CDH6: variants seen among roughly 807,000 people sequenced by gnomAD.
The protein encoded by CDH6 is cadherin 6.
In CDH6, 31 loss-of-function variants were observed where a neutral mutation model predicts 78.0. The ratio of observed to expected loss-of-function variants is 0.40; its 90% CI spans 0.30 to 0.54. The LOEUF (loss-of-function observed/expected upper bound fraction) is 0.54, where lower values mean the gene tolerates loss of function less well. CDH6 is among the 20% of genes least tolerant of loss of function. The pLI is 0.56. For missense variants in CDH6, 724 were observed against 975.9 expected, an observed-to-expected ratio of 0.74 and a Z score of 3.44; for synonymous variants, 376 against 368.8, an observed-to-expected ratio of 1.02 and a Z score of -0.23.
chr5:31,194,292 CG>C (rs1218840521), intron 1 of CDH6, among the ~76,000 whole-genome samples: 1 of 152,172 alleles, frequency 6.6e-6, no homozygotes, highest in Non-Finnish European at 1.5e-5. Context: ...GGCGCTGGTG[CG>C]TGCAGGTCCC....
Position 31,328,719 on chromosome 5 carries a change from G to A in CDH6, c.*5411G>A, listed in dbSNP as rs1477624957. 2 of 213,470 alleles carry A rather than the reference G, an allele frequency of 9.4e-6. No homozygotes were observed. Among genetic ancestry groups the A allele is most frequent in the Non-Finnish European group, 9.5e-6 (1 of 105,678 alleles). 13.2% of individuals were successfully genotyped at this position (213,470 alleles called of 1,614,324 possible). On this transcript the variant is annotated 3_prime_UTR_variant, in exon 12 of 12. Transcript: ENST00000265071. ...AATACTTCCAAGTATAAATTGAAAC[G>A]GATGCCACCCTTGAAGATTTACTGG...
chr5:31,285,702 A>G (rs1464995193), intron 2 of CDH6, among the ~76,000 whole-genome samples: 1 of 152,238 alleles, frequency 6.6e-6, no homozygotes, highest in Non-Finnish European at 1.5e-5. Flanking sequence ...ATAGTTCGGT[A>G]AAATCTTGCA....
Position 31,323,048 on chromosome 5 carries a change from A to T in CDH6, c.2113A>T (p.Thr705Ser). ...EALFLPRRTP[T>S]ARDNTDVRDF... ...CCTTTTCCTACCCCGACGGACTCCA[A>T]CAGCTCGCGACAACACCGATGTCAG... The change falls in exon 12 of 12, where the codon ACA (threonine) becomes TCA (serine). Residue 705 changes from threonine (T) to serine (S), a missense_variant. This residue lies in a region of CDH6 where 220 missense variants were observed against 240.6 expected (regional missense o/e 0.91). Transcript: ENST00000265071. The T allele has an allele frequency of 6.2e-7, 1 of 1,614,184 alleles. No homozygotes were observed. Among genetic ancestry groups the T allele is most frequent in the Non-Finnish European group, 8.5e-7 (1 of 1,180,030 alleles).
intron 2 of CDH6, among the ~76,000 whole-genome samples, chr5:31,291,618 G>A (rs550845040): frequency 6.6e-6 from 1 of 152,322 alleles, no homozygotes; most frequent in East Asian, 1.9e-4. Flanking sequence ...CCCGCACTGT[G>A]CCAGGCTGCT....
intron 1 of CDH6, among the ~76,000 whole-genome samples, chr5:31,246,622 A>G (rs1007906717): frequency 3.3e-5 from 5 of 152,234 alleles, no homozygotes; most frequent in African/African-American, 1.2e-4. Flanking sequence ...CATCAGATTT[A>G]CAAACTTTGA....
intron 2 of CDH6, among the ~76,000 whole-genome samples, chr5:31,270,125 A>G (rs986261032): frequency 6.6e-6 from 1 of 152,346 alleles, no homozygotes; most frequent in Admixed American, 6.5e-5. Flanking sequence ...TGTGGCCACA[A>G]GTTGGTCCAC....
In CDH6 at chr5:31,302,224, G is replaced by A; in HGVS notation, c.925G>A (p.Asp309Asn). 6.2e-7 allele frequency: 1 copy of A among 1,614,088 alleles called. No homozygotes were observed. The highest frequency in any genetic ancestry group is 8.5e-7 in the Non-Finnish European group (1 of 1,179,968). Reference protein sequence around the residue: ...ENAEIEYSITDGEGLDMFDVI... With the variant: ...ENAEIEYSITNGEGLDMFDVI... ...TGCTGAAATTGAGTACAGCATCACA[G>A]ACGGTGAGGGGCTGGATATGTTTGA... The change falls in exon 6 of 12, where the codon GAC becomes AAC. Residue 309 changes from aspartate to asparagine, a missense_variant. By Grantham distance (23) the Asp-to-Asn change is conservative (BLOSUM62 1). Transcript: ENST00000265071.
At chr5:31,228,425 C>T (rs187302545) in intron 1 of CDH6, among the ~76,000 whole-genome samples, 2 of 152,330 alleles carry the variant, frequency 1.3e-5, no homozygotes, top group Admixed American at 1.3e-4. Flanking sequence ...AAGGAAGCTG[C>T]ATTCACCTTG....
chr5:31,227,934 T>G (rs1353786180), intron 1 of CDH6, among the ~76,000 whole-genome samples: 1 of 152,154 alleles, frequency 6.6e-6, no homozygotes, highest in Non-Finnish European at 1.5e-5. Context: ...AATACAAACT[T>G]ATTCTCGTAC....
chr5:31,224,379 G>A (rs191988631), intron 1 of CDH6, among the ~76,000 whole-genome samples: 144 of 152,122 alleles, frequency 9.5e-4, no homozygotes, highest in African/African-American at 3.3e-3. Flanking sequence ...ATCTGGGTGG[G>A]GACACAGCTA....
chr5:31,239,340 CA>C (rs1031599867), intron 1 of CDH6, among the ~76,000 whole-genome samples: 1 of 152,148 alleles, frequency 6.6e-6, no homozygotes, highest in African/African-American at 2.4e-5. Context: ...TTCTTGGCTT[CA>C]AGTTCAGACT....
chr5:31,259,100 A>G (rs1277292077), intron 1 of CDH6, among the ~76,000 whole-genome samples: 1 of 152,244 alleles, frequency 6.6e-6, no homozygotes, highest in African/African-American at 2.4e-5. Context: ...CAAGGTGCCT[A>G]GCACATAACA....
chr5:31,247,641 A>C (rs1741789173), intron 1 of CDH6, among the ~76,000 whole-genome samples: 1 of 152,246 alleles, frequency 6.6e-6, no homozygotes, highest in Admixed American at 6.5e-5. Context: ...GCATGCAGAC[A>C]GCAATCTGTT....
intron 1 of CDH6, among the ~76,000 whole-genome samples, chr5:31,229,543 G>A (rs1278610187): frequency 6.6e-6 from 1 of 152,152 alleles, no homozygotes; most frequent in Non-Finnish European, 1.5e-5. Flanking sequence ...GCTTTTATAG[G>A]TCTCTAGTTC....
chr5:31,221,518 T>C (rs538331039), intron 1 of CDH6, among the ~76,000 whole-genome samples: 8 of 152,330 alleles, frequency 5.3e-5, no homozygotes, highest in South Asian at 2.1e-4. Context: ...TTTTCAATAT[T>C]TTTTCACTGA....
chr5:31,265,932 G>A (rs538107618), intron 1 of CDH6, among the ~76,000 whole-genome samples: 3 of 151,294 alleles, frequency 2.0e-5, no homozygotes, highest in East Asian at 1.9e-4. Flanking sequence ...CCGCCACCAC[G>A]CCCGGCTAAT....
chr5:31,199,543 T>C lies in CDH6; in HGVS notation c.-129+5657T>C, dbSNP rs200503005. Among the ~76,000 whole-genome samples the C allele has an allele frequency of 1.4e-3, 192 of 138,542 alleles. 1 individual carries two copies. The highest frequency in any genetic ancestry group is 4.5e-3 in the African/African-American group (158 of 35,244). 90.9% of individuals were successfully genotyped at this position (138,542 alleles called of 152,430 possible). Reference sequence around the variant, plus strand: ...ACACACATATGTGTATATATATGTATACACACATATGTGTATATATATGCT... The same window carrying C: ...ACACACATATGTGTATATATATGTACACACACATATGTGTATATATATGCT... On this transcript the variant is annotated intron_variant, in intron 1 of 11. Transcript: ENST00000265071.
chr5:31,248,042 GC>G (rs1262272062), intron 1 of CDH6, among the ~76,000 whole-genome samples: 1 of 152,168 alleles, frequency 6.6e-6, no homozygotes. Flanking sequence ...AAATGAAGGT[GC>G]CTAGCCAACA....
At chr5:31,307,891 A>G (rs1738031881) in intron 7 of CDH6, among the ~76,000 whole-genome samples, 1 of 152,216 alleles carries the variant, frequency 6.6e-6, no homozygotes, top group African/African-American at 2.4e-5. Flanking sequence ...GAAAGAAAGT[A>G]GTTAGCTTGT....
Sources: gnomAD v4.1 joint callset for allele counts (sites outside exome capture counted in the v4.1 genomes callset) on GRCh38, gnomAD v4.1.1 for gene constraint, gnomAD v4.1.1 regional missense constraint, MANE v1.5 for transcripts, NCBI Gene and HGNC (gene_info 2026-07-23, HGNC 2026-07-21) for gene names.